MACROD2: variants seen among roughly 807,000 people sequenced by gnomAD.
MACROD2 encodes the protein ADP-ribose glycohydrolase MACROD2.
Under a neutral mutation model 70.4 loss-of-function variants are expected in MACROD2, and 36 were observed. That is an observed-to-expected ratio of 0.51 (90% CI 0.39 to 0.68). The LOEUF (loss-of-function observed/expected upper bound fraction) is 0.68. Among genes scored for constraint, MACROD2 ranks in the 30% least tolerant of loss-of-function variants. MACROD2 has a pLI of 0.00. For missense variants in MACROD2, 496 were observed against 538.4 expected (o/e 0.92, Z 0.78); for synonymous variants, 172 against 178.8 (o/e 0.96, Z 0.30).
chr20:14,196,017 G>A (rs2081428817), intron 3 of MACROD2, among the ~76,000 whole-genome samples: 1 of 152,134 alleles, frequency 6.6e-6, no homozygotes, highest in African/African-American at 2.4e-5. Flanking sequence ...CACACCCACT[G>A]GGGCTTCAGC....
chr20:15,112,778 A>G lies in MACROD2; in HGVS notation c.419-117162A>G, dbSNP rs144600756. 7.7e-4 allele frequency among the ~76,000 whole-genome samples: 117 copies of G among 152,318 alleles called. 1 individual carries two copies. Among genetic ancestry groups the G allele is most frequent in the African/African-American group, 2.4e-3 (101 of 41,578 alleles). On this transcript the variant is annotated intron_variant, in intron 5 of 17. Transcript: ENST00000684519. ...CTAAACTAAAATTCTGTACTCATTA[A>G]GCAGTAACTCTTCCTTAATCTCTCC... is the stretch of plus-strand genomic sequence containing the variant.
At chr20:16,006,244 A>C (rs373553399) in intron 15 of MACROD2, among the ~76,000 whole-genome samples, 2 of 152,176 alleles carry the variant, frequency 1.3e-5, no homozygotes, top group African/African-American at 4.8e-5. Context: ...GCTCTTACTC[A>C]TCATCGGGTC....
chr20:14,491,654 G>C (rs1053726613), intron 3 of MACROD2, among the ~76,000 whole-genome samples: 17 of 152,144 alleles, frequency 1.1e-4, no homozygotes, highest in African/African-American at 4.1e-4. Flanking sequence ...GATGGGCCTT[G>C]GGCTGTGCTC....
intron 5 of MACROD2, among the ~76,000 whole-genome samples, chr20:15,136,321 G>T (rs1601122494): frequency 6.6e-6 from 1 of 150,486 alleles, no homozygotes; most frequent in East Asian, 2.0e-4. Flanking sequence ...ATACTACAAG[G>T]CTACAGTAAC....
chr20:15,237,589 G>A (rs879867104), intron 6 of MACROD2, among the ~76,000 whole-genome samples: 14 of 152,048 alleles, frequency 9.2e-5, no homozygotes, highest in South Asian at 2.1e-4. Flanking sequence ...TTGTGTGCAC[G>A]TGCTTTCTAT....
chr20:15,607,694 C>T (rs571594539), intron 8 of MACROD2, among the ~76,000 whole-genome samples: 3 of 152,112 alleles, frequency 2.0e-5, no homozygotes, highest in East Asian at 1.9e-4. Flanking sequence ...CCACCACACC[C>T]GGATAATTTT....
chr20:14,461,366 T>TA (rs764879038), intron 3 of MACROD2, among the ~76,000 whole-genome samples: 3 of 151,970 alleles, frequency 2.0e-5, no homozygotes, highest in African/African-American at 7.3e-5. Context: ...TTAATCTTTT[T>TA]AAAAAACCAG....
At chr20:14,066,213 T>C (rs1181169354) in intron 2 of MACROD2, among the ~76,000 whole-genome samples, 1 of 152,248 alleles carries the variant, frequency 6.6e-6, no homozygotes, top group Non-Finnish European at 1.5e-5. Flanking sequence ...CCATTATTTG[T>C]GCTTTATTAT....
At chr20:15,000,017 G>T (rs1375637623) in intron 5 of MACROD2, among the ~76,000 whole-genome samples, 1 of 152,136 alleles carries the variant, frequency 6.6e-6, no homozygotes, top group Non-Finnish European at 1.5e-5. Flanking sequence ...TTGGCTGAAG[G>T]GATGCATACT....
intron 3 of MACROD2, among the ~76,000 whole-genome samples, chr20:14,399,512 TA>T (rs2083615608): frequency 2.0e-5 from 3 of 152,182 alleles, no homozygotes; most frequent in Admixed American, 2.0e-4. Context: ...TTTATCACGG[TA>T]AATAATTTGA....
At position 16,038,498 on chromosome 20, in the gene MACROD2, A is replaced by G. The variant is rs140302972; in HGVS notation, c.1154-2703A>G. 3.7e-3 allele frequency among the ~76,000 whole-genome samples: 548 copies of G among 148,972 alleles called. 2 individuals are homozygous for G. The highest frequency in any genetic ancestry group is 0.013 in the African/African-American group (524 of 40,684). On this transcript the variant is annotated intron_variant, in intron 15 of 17. Transcript: ENST00000684519. The stretch of plus-strand genomic sequence containing the variant: ...TCAACTGGGTCTACCTGCTGTCAAA[A>G]TCACCTATTTAATTCTTAACTTGTT...
At chr20:14,282,432 T>C (rs920080202) in intron 3 of MACROD2, among the ~76,000 whole-genome samples, 1 of 152,148 alleles carries the variant, frequency 6.6e-6, no homozygotes, top group Non-Finnish European at 1.5e-5. Flanking sequence ...GGATGGTCAG[T>C]GTTTTCCTTG....
At chr20:14,127,897 G>C (rs1248069988) in intron 3 of MACROD2, 1 of 498,998 alleles carries the variant, frequency 2.0e-6, no homozygotes, top group Non-Finnish European at 4.0e-6. Context: ...TGAATTGGTT[G>C]CATCATAAAT....
At chr20:14,603,971 C>T (rs991015930) in intron 4 of MACROD2, among the ~76,000 whole-genome samples, 9 of 152,110 alleles carry the variant, frequency 5.9e-5, no homozygotes, top group African/African-American at 2.2e-4. Flanking sequence ...TTTCTCTGAC[C>T]CTTTCCAATC....
At chr20:15,130,799 G>A (rs78319191) in intron 5 of MACROD2, among the ~76,000 whole-genome samples, 1 of 152,164 alleles carries the variant, frequency 6.6e-6, no homozygotes, top group East Asian at 1.9e-4. Flanking sequence ...TATATCTGAG[G>A]AAGAGAGCAG....
chr20:15,866,877 C>A (rs114959647), intron 9 of MACROD2, among the ~76,000 whole-genome samples: 1 of 152,062 alleles, frequency 6.6e-6, no homozygotes, highest in South Asian at 2.1e-4. Flanking sequence ...AAGTGGTAAA[C>A]GAGAAGCCCA....
At chr20:15,793,131 G>C (rs1426715399) in intron 8 of MACROD2, among the ~76,000 whole-genome samples, 1 of 152,178 alleles carries the variant, frequency 6.6e-6, no homozygotes, top group Non-Finnish European at 1.5e-5. Context: ...CTGTGTGTGT[G>C]TGTGCATGCG....
At chr20:15,031,371 A>G (rs984330722) in intron 5 of MACROD2, among the ~76,000 whole-genome samples, 7 of 151,708 alleles carry the variant, frequency 4.6e-5, no homozygotes, top group African/African-American at 1.5e-4. Flanking sequence ...TTGTGTTACA[A>G]CTCTTTCAGT....
At chr20:14,038,443 T>G (rs1306238174) in intron 2 of MACROD2, among the ~76,000 whole-genome samples, 1 of 152,340 alleles carries the variant, frequency 6.6e-6, no homozygotes, top group South Asian at 2.1e-4. Flanking sequence ...ATCAGGAAAC[T>G]GAGGCACAGA....
Sources: allele counts gnomAD v4.1 joint callset (sites outside exome capture counted in the v4.1 genomes callset), GRCh38; gene constraint gnomAD v4.1.1; transcripts MANE v1.5; gene names NCBI Gene and HGNC (gene_info 2026-07-23, HGNC 2026-07-21).